The following NLK variants were observed in gnomAD, a reference collection of about 807,000 sequenced individuals.
The protein encoded by NLK is nemo like kinase, also known as serine/threonine-protein kinase NLK.
In NLK, 11 loss-of-function variants were observed where a neutral mutation model predicts 59.0. The observed-to-expected ratio is 0.19, with a 90% CI of 0.12 to 0.31. The LOEUF is 0.31. Ranked by LOEUF, NLK falls within the 10% of genes least tolerant of loss-of-function variation. The probability of loss-of-function intolerance (pLI) is 1.00; values close to 1 mark genes in which losing one functional copy is unlikely to be tolerated. For missense variants in NLK, 410 were observed against 661.1 expected (o/e 0.62, Z 4.16); for synonymous variants, 235 against 235.9 (o/e 1.00, Z 0.03).
chr17:28,163,358 CATTTT>C (rs2142049705), intron 4 of NLK, among the ~76,000 whole-genome samples, 180 bp from the exon 5 acceptor site: 1 of 152,272 alleles, frequency 6.6e-6, no homozygotes, highest in South Asian at 2.1e-4. Context: ...CCTTTGGTGA[CATTTT>C]ATTTTACTGT....
chr17:28,140,060 G>T (rs1249087782), intron 3 of NLK, among the ~76,000 whole-genome samples: 2 of 152,174 alleles, frequency 1.3e-5, no homozygotes, highest in African/African-American at 4.8e-5. Context: ...TAGCATTGAA[G>T]AGGATAGATA....
intron 8 of NLK, among the ~76,000 whole-genome samples, chr17:28,187,493 G>A (rs764186230): frequency 2.6e-5 from 4 of 152,076 alleles, no homozygotes; most frequent in Admixed American, 1.3e-4. Context: ...GTAGAGATGG[G>A]GTTTCACCAT....
chr17:28,049,098 C>T (rs1037886321), intron 1 of NLK, among the ~76,000 whole-genome samples: 1 of 152,182 alleles, frequency 6.6e-6, no homozygotes, highest in Non-Finnish European at 1.5e-5. Flanking sequence ...AGTTGTAACA[C>T]TGTCAGTGAG....
Position 28,162,234 on chromosome 17 carries a change from C to A in NLK, c.751+968C>A, listed in dbSNP as rs754459999. ...GTTTCACCGTATTAGCCAGGATGAT[C>A]TTGATCTCCCGACCTTGTGATCCTC... On this transcript the variant is annotated intron_variant, in intron 4 of 10. Coordinates refer to ENST00000407008, the MANE Select transcript of NLK (RefSeq NM_016231.5). Among the ~76,000 whole-genome samples the A allele has an allele frequency of 3.9e-5, 6 of 152,074 alleles. No homozygotes were observed. The South Asian group carries it at 1.2e-3, about 32-fold the overall frequency.
At position 28,192,195 on chromosome 17, in the gene NLK, C is replaced by G. The variant is rs1909328562; in HGVS notation, c.1511C>G (p.Ala504Gly). The G allele has an allele frequency of 6.3e-7, 1 of 1,587,386 alleles. No homozygotes were observed. Among genetic ancestry groups the G allele is most frequent in the Non-Finnish European group, 8.6e-7 (1 of 1,158,030 alleles). ...CTCTGCATCAACCCTCAGTCTGCTG[C>G]TTTTAAGAGCTTTATTAGGTAACTA... ...VPLCINPQSA[A>G]FKSFISSTVA... is the part of the protein sequence containing the mutation. Residue 504 changes from alanine (A) to glycine (G), a missense_variant, in exon 10 of 11, where the codon GCT becomes GGT. By Grantham distance (60) the Ala-to-Gly change is moderately conservative. Around this residue, in one of 5 missense-constraint regions of NLK, gnomAD observed 25 missense variants for 29.7 expected, o/e 0.84. Coordinates refer to ENST00000407008, the MANE Select transcript of NLK (RefSeq NM_016231.5).
At chr17:28,054,329 G>A (rs997720334) in intron 1 of NLK, among the ~76,000 whole-genome samples, 2 of 152,130 alleles carry the variant, frequency 1.3e-5, no homozygotes, top group Admixed American at 1.3e-4. Context: ...CATAGCCAGC[G>A]TTCAAAGTAA....
intron 3 of NLK, among the ~76,000 whole-genome samples, chr17:28,136,348 T>C (rs1290694835): frequency 1.3e-5 from 2 of 152,140 alleles, no homozygotes; most frequent in Non-Finnish European, 2.9e-5. Flanking sequence ...AGAAAAAAGG[T>C]AAGCATTTTC....
At chr17:28,132,789 T>G in intron 3 of NLK, 114 bp downstream of exon 3, 1 of 868,586 alleles carries the variant, frequency 1.2e-6, no homozygotes, top group Non-Finnish European at 1.8e-6. Flanking sequence ...CTTGCAGAAG[T>G]GATTGAGTAC....
intron 3 of NLK, among the ~76,000 whole-genome samples, chr17:28,153,445 T>C (rs1907570842): frequency 6.6e-6 from 1 of 152,168 alleles, no homozygotes. Flanking sequence ...CATTTCCTAG[T>C]TGACATTCTT....
chr17:28,070,898 A>G (rs1909985121), intron 1 of NLK, among the ~76,000 whole-genome samples: 2 of 152,136 alleles, frequency 1.3e-5, no homozygotes, highest in Admixed American at 6.6e-5. Flanking sequence ...AATATAGTGA[A>G]ATTCTAAGCT....
intron 1 of NLK, among the ~76,000 whole-genome samples, chr17:28,096,038 AGT>A (rs1904689505): frequency 1.3e-5 from 2 of 152,232 alleles, no homozygotes; most frequent in South Asian, 4.1e-4. Flanking sequence ...TCACAAATGA[AGT>A]GTAATTGTAC....
chr17:28,044,219 A>G (rs1908973000), intron 1 of NLK, among the ~76,000 whole-genome samples: 1 of 152,216 alleles, frequency 6.6e-6, no homozygotes, highest in South Asian at 2.1e-4. Context: ...TGTTCCTATC[A>G]AAACTAGAAT....
intron 1 of NLK, among the ~76,000 whole-genome samples, chr17:28,106,635 TACAC>T (rs1333603447): frequency 6.6e-6 from 1 of 152,212 alleles, no homozygotes; most frequent in Non-Finnish European, 1.5e-5. Flanking sequence ...CAGATTTGAA[TACAC>T]ACCATTTCGT....
intron 3 of NLK, among the ~76,000 whole-genome samples, chr17:28,136,672 C>T (rs1179354490): frequency 1.3e-5 from 2 of 152,114 alleles, no homozygotes; most frequent in African/African-American, 2.4e-5. Flanking sequence ...GGCATAATCT[C>T]GGCTTACTGC....
intron 1 of NLK, among the ~76,000 whole-genome samples, chr17:28,084,131 C>G (rs1910435686): frequency 6.6e-6 from 1 of 152,154 alleles, no homozygotes; most frequent in Non-Finnish European, 1.5e-5. Flanking sequence ...TAGCTTGCCT[C>G]CTAAATTCTG....
chr17:28,181,331 G>A (rs1908896752), intron 7 of NLK, among the ~76,000 whole-genome samples: 1 of 152,068 alleles, frequency 6.6e-6, no homozygotes, highest in Non-Finnish European at 1.5e-5. Flanking sequence ...CCTGGGAGGT[G>A]GAGGTTGCAG....
chr17:28,169,499 A>G (rs942159166), intron 6 of NLK, among the ~76,000 whole-genome samples: 4 of 152,194 alleles, frequency 2.6e-5, no homozygotes, highest in African/African-American at 4.8e-5. Context: ...GAAGCCATTC[A>G]TGTTACTTGA....
chr17:28,182,631 G>C (rs1233420982), intron 7 of NLK, among the ~76,000 whole-genome samples: 2 of 152,210 alleles, frequency 1.3e-5, no homozygotes, highest in African/African-American at 4.8e-5. Flanking sequence ...AGTTTGCCTT[G>C]AAAGTAATGT....
chr17:28,042,853 AT>A lies in NLK; in HGVS notation c.-20del, dbSNP rs1567697040. ...ACAGCTTGACCCAGTTTGCTTTCCA[AT>A]CAAAGGGCATTTATTTTGAATGTCT... is the stretch of plus-strand genomic sequence containing the variant. On this transcript the variant is annotated 5_prime_UTR_variant, in exon 1 of 11. Coordinates refer to ENST00000407008, the MANE Select transcript of NLK (RefSeq NM_016231.5). The A allele has an allele frequency of 6.1e-6, 9 of 1,474,168 alleles. No homozygotes were observed. The highest frequency in any genetic ancestry group is 4.7e-5 in the Admixed American group (2 of 42,132). The allele number at this position is 1,474,168 out of a possible 1,614,324, so 91.3% of individuals were successfully genotyped here.
Sources: allele counts gnomAD v4.1 joint callset (sites outside exome capture counted in the v4.1 genomes callset), GRCh38; gene constraint gnomAD v4.1.1; regional missense constraint gnomAD v4.1.1; transcripts MANE v1.5; gene names NCBI Gene and HGNC (gene_info 2026-07-23, HGNC 2026-07-21).